COL23A1: variants seen among roughly 807,000 people sequenced by gnomAD.
The protein encoded by COL23A1 is collagen type XXIII alpha 1 chain.
Under a neutral mutation model 99.3 loss-of-function variants are expected in COL23A1, and 97 were observed. That is an observed-to-expected ratio of 0.98 (90% CI 0.83 to 1.16). The LOEUF is 1.16. Ranked by LOEUF, COL23A1 falls within the 50% of genes most tolerant of loss-of-function variation. The pLI is 0.00. For missense variants in COL23A1, 762 were observed against 757.4 expected (o/e 1.01, Z -0.07); for synonymous variants, 320 against 308.2 (o/e 1.04, Z -0.40).
intron 2 of COL23A1, among the ~76,000 whole-genome samples, chr5:178,447,507 C>T (rs924353205): frequency 6.6e-6 from 1 of 152,174 alleles, no homozygotes; most frequent in Admixed American, 6.5e-5. Context: ...TTTAGATATA[C>T]ACATACTAAC....
intron 2 of COL23A1, among the ~76,000 whole-genome samples, chr5:178,539,852 T>G (rs1761194187): frequency 6.6e-6 from 1 of 152,210 alleles, no homozygotes; most frequent in African/African-American, 2.4e-5. Flanking sequence ...TAAAGACCGA[T>G]GCAAATCCTA....
chr5:178,315,762 C>CTT (rs34604670), intron 2 of COL23A1, among the ~76,000 whole-genome samples: 22,409 of 95,930 alleles, frequency 0.23, 2,989 homozygotes, highest in East Asian at 0.67. Flanking sequence ...GAAGCACTGA[C>CTT]TTTTTTTTTT....
At chr5:178,331,057 C>T (rs1240740454) in intron 2 of COL23A1, among the ~76,000 whole-genome samples, 4 of 152,254 alleles carry the variant, frequency 2.6e-5, no homozygotes, top group African/African-American at 9.6e-5. Context: ...GCCTGGCATA[C>T]AGTAGGAGCT....
chr5:178,427,874 G>A (rs1766037078), intron 2 of COL23A1, among the ~76,000 whole-genome samples: 1 of 152,176 alleles, frequency 6.6e-6, no homozygotes, highest in African/African-American at 2.4e-5. Context: ...ATACTATAAT[G>A]GTGGATACAT....
intron 2 of COL23A1, among the ~76,000 whole-genome samples, chr5:178,406,094 C>G (rs1486180335): frequency 6.6e-6 from 1 of 152,190 alleles, no homozygotes; most frequent in African/African-American, 2.4e-5. Flanking sequence ...CAGAGTGAGA[C>G]TCTGTCTCAA....
intron 2 of COL23A1, among the ~76,000 whole-genome samples, chr5:178,341,214 T>A (rs1007924969): frequency 1.3e-5 from 2 of 152,246 alleles, no homozygotes; most frequent in Non-Finnish European, 2.9e-5. Context: ...AGCCTTGAAC[T>A]TCCGGGCTCA....
At chr5:178,343,228 C>T (rs1007249380) in intron 2 of COL23A1, among the ~76,000 whole-genome samples, 4 of 152,200 alleles carry the variant, frequency 2.6e-5, no homozygotes, top group South Asian at 2.1e-4. Context: ...GATTCCGAAG[C>T]GAAGACTGTT....
intron 2 of COL23A1, among the ~76,000 whole-genome samples, chr5:178,321,467 G>A (rs1438733850): frequency 4.0e-5 from 6 of 150,134 alleles, no homozygotes; most frequent in East Asian, 1.9e-4. Flanking sequence ...CTGTGATGAC[G>A]AGGTCACCTT....
At chr5:178,450,066 A>G (rs1041928548) in intron 2 of COL23A1, among the ~76,000 whole-genome samples, 1 of 152,102 alleles carries the variant, frequency 6.6e-6, no homozygotes, top group Non-Finnish European at 1.5e-5. Flanking sequence ...CCAGCCCCGG[A>G]GCAGGAACAA....
At chr5:178,312,950 G>A (rs181125434) in intron 2 of COL23A1, among the ~76,000 whole-genome samples, 14 of 152,324 alleles carry the variant, frequency 9.2e-5, no homozygotes, top group African/African-American at 2.4e-4. Context: ...CAACCCAAAC[G>A]TCCACGGACA....
At chr5:178,417,886 G>A (rs1411788373) in intron 2 of COL23A1, among the ~76,000 whole-genome samples, 1 of 152,242 alleles carries the variant, frequency 6.6e-6, no homozygotes, top group African/African-American at 2.4e-5. Context: ...CATTTTTTCT[G>A]TCAAGTTCAA....
intron 5 of COL23A1, among the ~76,000 whole-genome samples, chr5:178,285,348 C>T (rs1757097207): frequency 6.6e-6 from 1 of 152,140 alleles, no homozygotes; most frequent in African/African-American, 2.4e-5. Context: ...AAAAGTAAGT[C>T]CTCCCTGAGG....
chr5:178,560,407 A>G (rs915064503), intron 2 of COL23A1, among the ~76,000 whole-genome samples: 1 of 152,048 alleles, frequency 6.6e-6, no homozygotes, highest in African/African-American at 2.4e-5. Context: ...GCCAGCTGCT[A>G]CTTCCCTACC....
intron 1 of COL23A1, among the ~76,000 whole-genome samples, chr5:178,587,242 C>G (rs1301520235): frequency 6.6e-6 from 1 of 152,182 alleles, no homozygotes; most frequent in Non-Finnish European, 1.5e-5. Context: ...TACGATCGTT[C>G]ATGGCTCTTA....
intron 2 of COL23A1, among the ~76,000 whole-genome samples, chr5:178,534,466 C>T (rs914754309): frequency 1.8e-4 from 27 of 152,156 alleles, no homozygotes; most frequent in African/African-American, 6.5e-4. Context: ...TCAGCCCCAT[C>T]GCTCACTGGC....
At chr5:178,526,194 T>C (rs1266986691) in intron 2 of COL23A1, among the ~76,000 whole-genome samples, 1 of 152,146 alleles carries the variant, frequency 6.6e-6, no homozygotes, top group African/African-American at 2.4e-5. Flanking sequence ...GGTTTTGCCT[T>C]TCCAAAATCC....
intron 2 of COL23A1, among the ~76,000 whole-genome samples, chr5:178,498,230 ATATATATATATATATATATAT>A (rs1562025498): frequency 1.9e-4 from 14 of 72,892 alleles, no homozygotes; most frequent in Middle Eastern, 8.2e-3. Flanking sequence ...ATATATATAT[ATATATATATATATATATATAT>A]ATATATAAAA....
intron 2 of COL23A1, among the ~76,000 whole-genome samples, chr5:178,519,461 C>T (rs765662468): frequency 2.0e-5 from 3 of 152,232 alleles, no homozygotes; most frequent in Non-Finnish European, 4.4e-5. Flanking sequence ...AACAAGTGGC[C>T]GCGCCCTGCA....
chr5:178,546,630 C>T (rs1486025433), intron 2 of COL23A1, among the ~76,000 whole-genome samples: 7 of 152,152 alleles, frequency 4.6e-5, no homozygotes, highest in Non-Finnish European at 7.4e-5. Context: ...TGAGGGTTCA[C>T]GAGGGCAGAG....
Sources: gnomAD v4.1 joint callset for allele counts (sites outside exome capture counted in the v4.1 genomes callset) on GRCh38, gnomAD v4.1.1 for gene constraint, MANE v1.5 for transcripts, NCBI Gene and HGNC (gene_info 2026-07-23, HGNC 2026-07-21) for gene names.